The following SETD3 variants were observed in gnomAD, a reference collection of about 807,000 sequenced individuals.
SETD3 encodes the protein SET domain containing 3, actin N3(tau)-histidine methyltransferase, also known as actin-histidine N-methyltransferase.
In SETD3, 19 loss-of-function variants were observed where a neutral mutation model predicts 63.0. The observed-to-expected ratio is 0.30, with a 90% confidence interval of 0.21 to 0.44. The LOEUF (loss-of-function observed/expected upper bound fraction) is 0.44, where lower values mean the gene tolerates loss of function less well. SETD3 is among the 20% of genes least tolerant of loss of function. SETD3 has a pLI of 1.00. For synonymous variants in SETD3, 286 were observed against 264.1 expected (o/e 1.08, Z -0.80); for missense variants, 587 against 728.5 (o/e 0.81, Z 2.24).
At chr14:99,443,172 A>G (rs1348079969) in intron 6 of SETD3, among the ~76,000 whole-genome samples, 1 of 151,954 alleles carries the variant, frequency 6.6e-6, no homozygotes, top group East Asian at 1.9e-4. Flanking sequence ...TTTTCTCCAA[A>G]TGCCACTTTT....
chr14:99,462,219 G>A (rs1305961670), intron 3 of SETD3, among the ~76,000 whole-genome samples: 1 of 152,152 alleles, frequency 6.6e-6, no homozygotes. Context: ...GCTCAGCTGG[G>A]GTAGCAGATT....
intron 8 of SETD3, chr14:99,410,271 G>GGA: frequency 6.2e-7 from 1 of 1,612,468 alleles, no homozygotes; most frequent in East Asian, 2.2e-5. Context: ...GGAGGGTGTG[G>GGA]GGGGACAGGT....
chr14:99,432,640 A>G (rs1893247048), intron 6 of SETD3, among the ~76,000 whole-genome samples: 1 of 152,354 alleles, frequency 6.6e-6, no homozygotes, highest in South Asian at 2.1e-4. Flanking sequence ...TCACATCTAC[A>G]AGGATTAAGA....
upstream of SETD3, among the ~76,000 whole-genome samples, chr14:99,481,836 C>G (rs1896337287): frequency 6.6e-6 from 1 of 152,212 alleles, no homozygotes; most frequent in African/African-American, 2.4e-5. Context: ...CATATCTCCC[C>G]GATTATTTCG....
intron 1 of SETD3, among the ~76,000 whole-genome samples, chr14:99,470,109 AG>A (rs1895617235): frequency 6.6e-6 from 1 of 152,280 alleles, no homozygotes; most frequent in African/African-American, 2.4e-5. Flanking sequence ...ACACAGCTCC[AG>A]GGGACTGCTC....
intron 6 of SETD3, among the ~76,000 whole-genome samples, chr14:99,431,319 CTG>C (rs1255223723): frequency 3.3e-5 from 5 of 152,196 alleles, no homozygotes; most frequent in East Asian, 1.9e-4. Context: ...CATGGAGAAA[CTG>C]TGGCCAAGTG....
intron 1 of SETD3, among the ~76,000 whole-genome samples, chr14:99,471,551 CT>C (rs1367576614): frequency 6.6e-6 from 1 of 152,228 alleles, no homozygotes; most frequent in Non-Finnish European, 1.5e-5. Context: ...GGGAGGCTCT[CT>C]TGAGCCCAGG....
intron 6 of SETD3, among the ~76,000 whole-genome samples, chr14:99,420,353 A>G (rs1892520323): frequency 1.3e-5 from 2 of 152,124 alleles, no homozygotes; most frequent in African/African-American, 4.8e-5. Context: ...CTTTTTTAAA[A>G]TTTTAAAATT....
At chr14:99,462,687 C>T (rs1373233962) in intron 3 of SETD3, among the ~76,000 whole-genome samples, 1 of 152,236 alleles carries the variant, frequency 6.6e-6, no homozygotes, top group Non-Finnish European at 1.5e-5. Flanking sequence ...TGTTTGAAAA[C>T]ACCCATTATG....
intron 6 of SETD3, among the ~76,000 whole-genome samples, chr14:99,429,313 G>A (rs1447501803): frequency 1.3e-5 from 2 of 152,162 alleles, no homozygotes; most frequent in South Asian, 4.1e-4. Context: ...AGACACAAGG[G>A]AGGGCAAGTA....
intron 6 of SETD3, among the ~76,000 whole-genome samples, chr14:99,426,983 G>A (rs1401449265): frequency 1.3e-5 from 2 of 152,180 alleles, no homozygotes; most frequent in Non-Finnish European, 2.9e-5. Flanking sequence ...TAACTCAGGT[G>A]GGGACGCAGG....
chr14:99,449,002 T>C (rs998912179), intron 6 of SETD3, among the ~76,000 whole-genome samples: 1 of 152,228 alleles, frequency 6.6e-6, no homozygotes. Flanking sequence ...TATCTTTACA[T>C]GAAGAGCCAT....
chr14:99,420,763 C>T (rs752687737), intron 6 of SETD3, among the ~76,000 whole-genome samples: 41 of 152,060 alleles, frequency 2.7e-4, no homozygotes, highest in Non-Finnish European at 5.2e-4. Flanking sequence ...GAAACAACAA[C>T]ACAGATCAAG....
rs1243609565 is a variant in SETD3 at position 99,443,768 on chromosome 14, GAAACA to G, written c.675+14506_675+14510del. The stretch of plus-strand genomic sequence containing the variant: ...ATTGACTCTCTTGCTCTAAAAACCA[GAAACA>G]AAACTGTAAGATGAAGGTTACAGGG... On this transcript the variant is annotated intron_variant, in intron 6 of 12. Transcript: ENST00000331768. 2.6e-5 allele frequency among the ~76,000 whole-genome samples: 4 copies of G among 152,166 alleles called. No individual in the cohort carries two copies. In the South Asian group the frequency reaches 6.2e-4, roughly 24 times the overall value.
chr14:99,476,043 C>A (rs1396479569), intron 1 of SETD3, among the ~76,000 whole-genome samples: 1 of 152,214 alleles, frequency 6.6e-6, no homozygotes, highest in Non-Finnish European at 1.5e-5. Context: ...TGATCGTCCC[C>A]ATCACAATCA....
At chr14:99,413,707 T>C (rs1314741824) in intron 7 of SETD3, among the ~76,000 whole-genome samples, 169 bp downstream of exon 7, 4 of 152,226 alleles carry the variant, frequency 2.6e-5, no homozygotes, top group African/African-American at 9.6e-5. Context: ...ATGAAAATGC[T>C]GATACTTATC....
intron 6 of SETD3, among the ~76,000 whole-genome samples, chr14:99,422,445 C>CT (rs1892641121): frequency 6.6e-6 from 1 of 152,166 alleles, no homozygotes. Flanking sequence ...GGGAAATGAA[C>CT]TTTGGTCCCT....
intron 4 of SETD3, 29 bp downstream of exon 4, chr14:99,461,163 C>G: frequency 6.2e-7 from 1 of 1,612,408 alleles, no homozygotes; most frequent in Non-Finnish European, 8.5e-7. Context: ...ACACATAGAC[C>G]CCTTGAGACC....
intron 6 of SETD3, among the ~76,000 whole-genome samples, chr14:99,436,354 T>C (rs1394835191): frequency 6.6e-6 from 1 of 152,148 alleles, no homozygotes; most frequent in East Asian, 1.9e-4. Flanking sequence ...ACATAGAGCT[T>C]TCCTTCTCAG....
Sources: allele counts gnomAD v4.1 joint callset (sites outside exome capture counted in the v4.1 genomes callset), GRCh38; gene constraint gnomAD v4.1.1; transcripts MANE v1.5; gene names NCBI Gene and HGNC (gene_info 2026-07-23, HGNC 2026-07-21).